ABLIM1: variants seen among roughly 807,000 people sequenced by gnomAD.
ABLIM1 encodes actin binding LIM protein 1.
ABLIM1 carries 40 observed loss-of-function variants against 107.0 expected under a neutral mutation model. The observed-to-expected ratio is 0.37, with a 90% CI of 0.29 to 0.49. ABLIM1 has a LOEUF of 0.49. Ranked by LOEUF, ABLIM1 falls within the 20% of genes least tolerant of loss-of-function variation. The pLI, the probability that ABLIM1 is intolerant of heterozygous loss-of-function variation, is 0.97. For missense variants in ABLIM1, 857 were observed against 1,008.5 expected (o/e 0.85, Z 2.04); for synonymous variants, 357 against 357.3 (o/e 1.00, Z 0.01).
At chr10:114,466,898 C>A (rs1035129424) in intron 11 of ABLIM1, among the ~76,000 whole-genome samples, 1 of 152,136 alleles carries the variant, frequency 6.6e-6, no homozygotes, top group African/African-American at 2.4e-5. Flanking sequence ...GTGGCTCATG[C>A]CTGTAATTTC....
At chr10:114,799,273 A>G in the ABLIM1 span, among the ~76,000 whole-genome samples, 1 of 152,080 alleles carries the variant, frequency 6.6e-6, no homozygotes, top group Non-Finnish European at 1.5e-5. Flanking sequence ...TTCTCTTCCT[A>G]TGAAGGAATG....
intron 4 of ABLIM1, among the ~76,000 whole-genome samples, chr10:114,550,201 A>G (rs1195266490): frequency 6.6e-6 from 1 of 152,192 alleles, no homozygotes; most frequent in Non-Finnish European, 1.5e-5. Context: ...ATAAAAGATT[A>G]AGCATTTTTT....
intron 8 of ABLIM1, among the ~76,000 whole-genome samples, chr10:114,483,296 G>A (rs1443544570): frequency 6.6e-6 from 1 of 151,850 alleles, no homozygotes; most frequent in African/African-American, 2.4e-5. Context: ...TTTGAGACAG[G>A]GTCTCACTCT....
At chr10:114,783,145 G>C in the ABLIM1 span, among the ~76,000 whole-genome samples, 1 of 151,974 alleles carries the variant, frequency 6.6e-6, no homozygotes, top group South Asian at 2.1e-4. Flanking sequence ...AGCTGGGTGT[G>C]GTGGTGGGTG....
At chr10:114,549,877 T>A (rs2067834048) in intron 4 of ABLIM1, among the ~76,000 whole-genome samples, 1 of 152,162 alleles carries the variant, frequency 6.6e-6, no homozygotes, top group Admixed American at 6.5e-5. Context: ...TAGCATAAGC[T>A]CATTCATAAA....
At chr10:114,631,902 CTT>C in intron 1 of ABLIM1, 2 of 1,304,288 alleles carry the variant, frequency 1.5e-6, no homozygotes, top group Non-Finnish European at 2.0e-6. Flanking sequence ...TTATAATTAC[CTT>C]TTTCCTTCAC....
At chr10:114,471,755 T>C (rs1477604296) in intron 10 of ABLIM1, among the ~76,000 whole-genome samples, 2 of 152,306 alleles carry the variant, frequency 1.3e-5, no homozygotes, top group African/African-American at 2.4e-5. Context: ...CACATTTTCA[T>C]GCCTTTTCTT....
At chr10:114,511,360 A>T (rs1326648872) in intron 6 of ABLIM1, among the ~76,000 whole-genome samples, 1 of 151,462 alleles carries the variant, frequency 6.6e-6, no homozygotes, top group Admixed American at 6.6e-5. Context: ...TACCCTTCTC[A>T]CCTCTTTAAA....
the ABLIM1 span, among the ~76,000 whole-genome samples, chr10:114,787,377 G>C: frequency 6.6e-6 from 1 of 151,066 alleles, no homozygotes; most frequent in East Asian, 2.0e-4. Context: ...GTCTCCACCC[G>C]GCAGCCACCC....
chr10:114,758,852 T>C (rs757459792), intron 1 of ABLIM1, among the ~76,000 whole-genome samples: 57 of 152,216 alleles, frequency 3.7e-4, no homozygotes, highest in Non-Finnish European at 7.3e-4. Context: ...GTAAAGTTTC[T>C]TCATTTATAC....
At chr10:114,780,983 A>C in the ABLIM1 span, among the ~76,000 whole-genome samples, 8 of 152,340 alleles carry the variant, frequency 5.3e-5, no homozygotes, top group Admixed American at 5.2e-4. Flanking sequence ...CTCCTTGAGC[A>C]GAAATCCTCA....
chr10:114,744,304 C>T (rs953526381), intron 1 of ABLIM1, among the ~76,000 whole-genome samples: 10 of 152,152 alleles, frequency 6.6e-5, no homozygotes, highest in African/African-American at 2.4e-4. Context: ...CCCTGATCAA[C>T]CTCTAAACTT....
chr10:114,570,611 T>G lies in ABLIM1; in HGVS notation c.673+686A>C, dbSNP rs1311457139. ...ATTTTTCTGGGTTTTTTTTTTTTTT[T>G]TTTTTTTTTTTGAGATGGTCTAGCT... On this transcript the variant is annotated intron_variant, in intron 4 of 22. Transcript: ENST00000533213. Among the ~76,000 whole-genome samples the G allele has an allele frequency of 1.4e-4, 20 of 138,798 alleles. No individual in the cohort carries two copies. The East Asian group carries it at 3.8e-3, about 26-fold the overall frequency. 91.1% of individuals were successfully genotyped at this position (138,798 alleles called of 152,430 possible).
chr10:114,613,685 C>G (rs1296224135), intron 1 of ABLIM1: 1 of 1,326,056 alleles, frequency 7.5e-7, no homozygotes, highest in South Asian at 1.2e-5. Flanking sequence ...TGCACACCCA[C>G]TGGGAGATGA....
At chr10:114,545,149 G>A (rs2067157735) in intron 5 of ABLIM1, 51 bp from the exon 6 acceptor site, 1 of 1,537,304 alleles carries the variant, frequency 6.5e-7, no homozygotes, top group Non-Finnish European at 9.0e-7. Flanking sequence ...AGGGGCTGGA[G>A]AAGACACCAA....
chr10:114,590,334 C>A (rs1456419206), intron 2 of ABLIM1, among the ~76,000 whole-genome samples: 1 of 152,142 alleles, frequency 6.6e-6, no homozygotes. Context: ...TAGACCCCAA[C>A]CACGGAGATG....
chr10:114,781,688 A>T, the ABLIM1 span, among the ~76,000 whole-genome samples: 1 of 145,534 alleles, frequency 6.9e-6, no homozygotes, highest in Non-Finnish European at 1.5e-5. Flanking sequence ...ATATATATAT[A>T]ATTAATGCAC....
chr10:114,662,281 C>G (rs971441382), upstream of ABLIM1, among the ~76,000 whole-genome samples: 4 of 152,164 alleles, frequency 2.6e-5, no homozygotes, highest in African/African-American at 9.7e-5. Flanking sequence ...AAGAGCTCAG[C>G]ATGCCTTCCA....
intron 3 of ABLIM1, among the ~76,000 whole-genome samples, chr10:114,575,214 T>C (rs750505689): frequency 6.6e-6 from 1 of 152,266 alleles, no homozygotes; most frequent in Non-Finnish European, 1.5e-5. Flanking sequence ...ATCAGTCATA[T>C]TACTTTGTAG....
Sources: gnomAD v4.1 joint callset for allele counts (sites outside exome capture counted in the v4.1 genomes callset) on GRCh38, gnomAD v4.1.1 for gene constraint, MANE v1.5 for transcripts, NCBI Gene and HGNC (gene_info 2026-07-23, HGNC 2026-07-21) for gene names.